METTL15: variants seen among roughly 807,000 people sequenced by gnomAD.
METTL15 encodes methyltransferase 15, mitochondrial 12S rRNA N4-cytidine, also known as 12S rRNA N(4)-cytidine methyltransferase METTL15.
In METTL15, 34 loss-of-function variants were observed where a neutral mutation model predicts 38.3. The ratio of observed to expected loss-of-function variants is 0.89; its 90% confidence interval spans 0.68 to 1.18. The LOEUF is 1.18. Among genes scored for constraint, METTL15 ranks in the 50% most tolerant of loss-of-function variants. The pLI is 0.00. For synonymous variants in METTL15, 162 were observed against 170.9 expected, an observed-to-expected ratio of 0.95 and a Z score of 0.41; for missense variants, 438 against 498.4, an observed-to-expected ratio of 0.88 and a Z score of 1.15.
intron 5 of METTL15, among the ~76,000 whole-genome samples, chr11:28,419,601 AGATACT>A (rs1253755125): frequency 6.6e-6 from 1 of 152,190 alleles, no homozygotes; most frequent in Non-Finnish European, 1.5e-5. Context: ...TTCAATGCCC[AGATACT>A]GACAAACATC....
intron 5 of METTL15, among the ~76,000 whole-genome samples, chr11:28,402,574 T>C (rs1164659206): frequency 6.6e-6 from 1 of 152,040 alleles, no homozygotes; most frequent in African/African-American, 2.4e-5. Context: ...TGGCTCTTGC[T>C]TCTGGACCCT....
chr11:28,308,383 G>T (rs1354652843), intron 6 of METTL15, among the ~76,000 whole-genome samples: 7 of 151,836 alleles, frequency 4.6e-5, no homozygotes, highest in Middle Eastern at 6.8e-3. Context: ...TTAGTTTCTT[G>T]TATTTCCCAC....
chr11:28,161,107 C>CTTTTTTTTTTTTTTTT (rs10660185), intron 3 of METTL15, among the ~76,000 whole-genome samples: 320 of 131,622 alleles, frequency 2.4e-3, no homozygotes, highest in Non-Finnish European at 3.4e-3. Context: ...TTGCACCTTC[C>CTTTTTTTTTTTTTTTT]TTTTTTTTTT....
chr11:28,311,924 T>C (rs1857318151), intron 6 of METTL15, among the ~76,000 whole-genome samples: 1 of 152,224 alleles, frequency 6.6e-6, no homozygotes, highest in African/African-American at 2.4e-5. Flanking sequence ...AAGGGATGGC[T>C]AAGATGTCAG....
intron 4 of METTL15, among the ~76,000 whole-genome samples, chr11:28,235,212 T>C (rs1272559896): frequency 1.3e-5 from 2 of 152,028 alleles, no homozygotes; most frequent in African/African-American, 4.8e-5. Context: ...ACTGTAGCCT[T>C]GTAGTATAGT....
At chr11:28,519,967 G>A (rs568497096) in intron 6 of METTL15, among the ~76,000 whole-genome samples, 10 of 152,320 alleles carry the variant, frequency 6.6e-5, no homozygotes, top group African/African-American at 2.4e-4. Flanking sequence ...GCTACACACT[G>A]TAGTTAAAGC....
chr11:28,450,363 C>T (rs901014392), intron 6 of METTL15, among the ~76,000 whole-genome samples: 18 of 152,290 alleles, frequency 1.2e-4, no homozygotes, highest in African/African-American at 4.1e-4. Context: ...ACTAAAACAA[C>T]GTCCTCATGA....
intron 3 of METTL15, among the ~76,000 whole-genome samples, chr11:28,340,565 G>A (rs1849942034): frequency 1.3e-5 from 2 of 152,044 alleles, no homozygotes; most frequent in South Asian, 2.1e-4. Flanking sequence ...ACAAACATAC[G>A]AAAAAAACCT....
chr11:28,278,836 T>C lies in METTL15; in HGVS notation c.408-11370T>C, dbSNP rs114245447. ...GAGAGATTGGCCTTTAAGTTTGTTGTTGTTGTTTGAGATAGAGTCTTGCTC... is the reference window on the plus strand; with the variant it reads ...GAGAGATTGGCCTTTAAGTTTGTTGCTGTTGTTTGAGATAGAGTCTTGCTC... On this transcript the variant is annotated intron_variant, in intron 4 of 6. Transcript: ENST00000407364. 4.9e-3 allele frequency among the ~76,000 whole-genome samples: 753 copies of C among 152,276 alleles called. 7 individuals are homozygous for C. Among genetic ancestry groups the C allele is most frequent in the African/African-American group, 0.016 (680 of 41,540 alleles).
intron 3 of METTL15, among the ~76,000 whole-genome samples, chr11:28,347,772 ATGAT>A (rs1266275155): frequency 6.6e-6 from 1 of 152,204 alleles, no homozygotes; most frequent in African/African-American, 2.4e-5. Context: ...TGTGCCTAGA[ATGAT>A]TTCTCTCTAA....
downstream of METTL15, among the ~76,000 whole-genome samples, chr11:28,333,971 A>G (rs1030733550): frequency 2.9e-4 from 44 of 151,948 alleles, no homozygotes; most frequent in African/African-American, 9.9e-4. Flanking sequence ...GTTTTTAAGA[A>G]GTAGAGATAA....
intron 6 of METTL15, among the ~76,000 whole-genome samples, chr11:28,489,318 T>C (rs1851474137): frequency 6.6e-6 from 1 of 152,186 alleles, no homozygotes; most frequent in Non-Finnish European, 1.5e-5. Context: ...TATTCAACAA[T>C]TCTTTCTTCA....
chr11:28,455,567 T>A (rs1459216734), intron 6 of METTL15, among the ~76,000 whole-genome samples: 3 of 152,218 alleles, frequency 2.0e-5, no homozygotes, highest in Non-Finnish European at 4.4e-5. Context: ...CGTGGCACAT[T>A]GTATTTTCCA....
At chr11:28,490,840 T>C (rs548364442) in intron 6 of METTL15, among the ~76,000 whole-genome samples, 1 of 152,208 alleles carries the variant, frequency 6.6e-6, no homozygotes, top group Admixed American at 6.6e-5. Flanking sequence ...TATGCATAAA[T>C]AGACATTTTT....
intron 6 of METTL15, among the ~76,000 whole-genome samples, chr11:28,298,536 T>C (rs1856814694): frequency 1.3e-5 from 2 of 152,086 alleles, no homozygotes; most frequent in African/African-American, 2.4e-5. Flanking sequence ...AGCTACCTTT[T>C]CTGTCTGTGC....
intron 4 of METTL15, among the ~76,000 whole-genome samples, chr11:28,269,983 T>C (rs1181090327): frequency 6.6e-6 from 1 of 152,210 alleles, no homozygotes; most frequent in Non-Finnish European, 1.5e-5. Flanking sequence ...TTGCTAAACT[T>C]GTGTTTATGG....
chr11:28,483,045 A>G (rs1398405414), intron 6 of METTL15, among the ~76,000 whole-genome samples: 1 of 152,160 alleles, frequency 6.6e-6, no homozygotes, highest in Non-Finnish European at 1.5e-5. Context: ...ATGAAAAAAA[A>G]AAATGCTGCT....
At chr11:28,293,895 C>T (rs894522865) in intron 5 of METTL15, among the ~76,000 whole-genome samples, 15 of 152,106 alleles carry the variant, frequency 9.9e-5, no homozygotes, top group African/African-American at 3.1e-4. Context: ...GTGATTTTTG[C>T]ACATTGATTT....
At chr11:28,143,407 C>G (rs1849766575) in intron 3 of METTL15, among the ~76,000 whole-genome samples, 2 of 152,150 alleles carry the variant, frequency 1.3e-5, no homozygotes, top group South Asian at 4.1e-4. Context: ...TAGTATTGCT[C>G]TTGTTCCCTT....
Sources: gnomAD v4.1 joint callset for allele counts (sites outside exome capture counted in the v4.1 genomes callset) on GRCh38, gnomAD v4.1.1 for gene constraint, MANE v1.5 for transcripts, NCBI Gene and HGNC (gene_info 2026-07-23, HGNC 2026-07-21) for gene names.